The following RNASEL variants were observed in gnomAD, a reference collection of about 807,000 sequenced individuals.
The protein encoded by RNASEL is 2-5A-dependent ribonuclease.
In RNASEL, 36 loss-of-function variants were observed where a neutral mutation model predicts 50.9. That is an observed-to-expected ratio of 0.71 (90% CI 0.54 to 0.93). The LOEUF (loss-of-function observed/expected upper bound fraction) is 0.93, where lower values mean the gene tolerates loss of function less well. RNASEL is among the 40% of genes least tolerant of loss of function. The pLI, the probability that RNASEL is intolerant of heterozygous loss-of-function variation, is 0.00. For missense variants in RNASEL, 860 were observed against 894.5 expected, an observed-to-expected ratio of 0.96 and a Z score of 0.49; for synonymous variants, 335 against 335.6, an observed-to-expected ratio of 1.00 and a Z score of 0.02.
intron 2 of RNASEL, among the ~76,000 whole-genome samples, chr1:182,584,404 G>C (rs967924173): frequency 2.6e-5 from 4 of 152,104 alleles, no homozygotes; most frequent in Non-Finnish European, 4.4e-5. Flanking sequence ...TCCAGGCCAG[G>C]GGGTAGGAAG....
At chr1:182,577,527 T>G (rs534828848) in intron 5 of RNASEL, among the ~76,000 whole-genome samples, 38 of 152,238 alleles carry the variant, frequency 2.5e-4, no homozygotes, top group Non-Finnish European at 4.1e-4. Context: ...CCAAAAGGAA[T>G]AACTAATATT....
chr1:182,586,525 C>T lies in RNASEL; in HGVS notation c.282G>A (p.Thr94=), dbSNP rs768816440. 128 of 1,609,746 alleles carry T rather than the reference C, an allele frequency of 8.0e-5. 1 individual carries two copies. In the East Asian group the frequency reaches 2.7e-3, roughly 33 times the overall value. The change falls in exon 2 of 7, where the codon ACG becomes ACA. Residue 94 remains threonine (T), a synonymous_variant. Coordinates refer to ENST00000367559, the MANE Select transcript of RNASEL (RefSeq NM_021133.4). ...DPVLRKKNGA[T]PFILAAIAGS... ...CCGCAATCGCTGCGAGGATAAAAGG[C>T]GTGGCCCCATTCTTCTTCCTCAGAA...
At position 182,576,406 on chromosome 1, in the gene RNASEL, TAACACAAAAATGTGGTAGC is replaced by T; in HGVS notation, c.1906-36_1906-18del. Reference sequence around the variant, plus strand: ...TTCATTAATCTAAAAAAACAAAAAATAACACAAAAATGTGGTAGCAACACAAAATAAATCCTGATGAAAT... The same window carrying T: ...TTCATTAATCTAAAAAAACAAAAAATAACACAAAATAAATCCTGATGAAAT... On this transcript the variant is annotated intron_variant, in intron 5 of 6. Coordinates refer to ENST00000367559, the MANE Select transcript of RNASEL (RefSeq NM_021133.4). The T allele has an allele frequency of 6.5e-7, 1 of 1,537,260 alleles. No individual in the cohort carries two copies. The highest frequency in any genetic ancestry group is 1.1e-5 in the South Asian group (1 of 87,024).
At chr1:182,584,251 G>A in intron 2 of RNASEL, 85 bp from the exon 3 acceptor site, 4 of 915,402 alleles carry the variant, frequency 4.4e-6, no homozygotes, top group Non-Finnish European at 7.3e-6. Context: ...TATGTAACAT[G>A]CTATAAAAAT....
Position 182,586,469 on chromosome 1 carries a change from GA to G in RNASEL, c.337del (p.Ser113LeufsTer29). On this transcript the variant is annotated frameshift_variant, in exon 2 of 7. Coordinates refer to ENST00000367559, the MANE Select transcript of RNASEL (RefSeq NM_021133.4). LOFTEE classifies it high-confidence loss of function. ...GSVKLLKLFL[S>X]KGADVNECDF... ...ACACTCATTGACATCTGCTCCTTTA[GA>G]AAGGAAAAGTTTCAGCAGCTTCACG... 6.2e-7 allele frequency: 1 copy of G among 1,613,658 alleles called. No homozygotes were observed. The highest frequency in any genetic ancestry group is 8.5e-7 in the Non-Finnish European group (1 of 1,179,614).
intron 1 of RNASEL, among the ~76,000 whole-genome samples, chr1:182,587,615 C>CAA (rs34085847): frequency 7.3e-4 from 69 of 94,024 alleles, no homozygotes; most frequent in Admixed American, 1.7e-3. Context: ...AGGTGGCTTC[C>CAA]AAAAAAAAAA....
intron 4 of RNASEL, 43 bp downstream of exon 4, chr1:182,582,010 T>C: frequency 6.4e-7 from 1 of 1,569,590 alleles, no homozygotes; most frequent in Non-Finnish European, 8.8e-7. Context: ...CCTTACCCTT[T>C]CCATCCTGGA....
At position 182,585,496 on chromosome 1, in the gene RNASEL, A is replaced by G; in HGVS notation, c.1311T>C (p.Cys437=). ...CCAAACACGCTTCCAGAGTCTGCTC[A>G]CAGAGGGTGACACACACAAACAAGT... ...RGHLFVCVTL[C]EQTLEACLDV... Residue 437 remains cysteine (C), a synonymous_variant, in exon 2 of 7, where the codon TGT becomes TGC. Transcript: ENST00000367559. The G allele has an allele frequency of 6.2e-7, 1 of 1,614,114 alleles. No homozygotes were observed. Among genetic ancestry groups the G allele is most frequent in the Non-Finnish European group, 8.5e-7 (1 of 1,180,010 alleles).
rs1255666602 is a variant in RNASEL at position 182,576,374 on chromosome 1, T to C, written c.1921A>G (p.Met641Val). The C allele has an allele frequency of 6.3e-7, 1 of 1,580,966 alleles. No homozygotes were observed. The highest frequency in any genetic ancestry group is 8.7e-7 in the Non-Finnish European group (1 of 1,152,094). Reference protein sequence around the residue: ...KWTTKINECVMKKMNKFYEKR... With the variant: ...KWTTKINECVVKKMNKFYEKR... ...TCATAAAACTTATTCATTTTTTTCATAACACATTCATTAATCTAAAAAAAC... is the reference window on the plus strand; with the variant it reads ...TCATAAAACTTATTCATTTTTTTCACAACACATTCATTAATCTAAAAAAAC... Residue 641 changes from methionine to valine, a missense_variant, in exon 6 of 7, where the codon ATG becomes GTG. Physicochemically the swap from Met to Val is conservative, Grantham distance 21. Coordinates refer to ENST00000367559, the MANE Select transcript of RNASEL (RefSeq NM_021133.4).
chr1:182,574,154 A>C lies in RNASEL; in HGVS notation c.*1238T>G, dbSNP rs577471392. Reference sequence around the variant, plus strand: ...AAAACGTAAGACAGTATTATTATTCATGTACGAAGATGGTTCATTCATTAT... The same window carrying C: ...AAAACGTAAGACAGTATTATTATTCCTGTACGAAGATGGTTCATTCATTAT... On this transcript the variant is annotated 3_prime_UTR_variant, in exon 7 of 7. Coordinates refer to ENST00000367559, the MANE Select transcript of RNASEL (RefSeq NM_021133.4). 9.0e-6 allele frequency: 2 copies of C among 221,130 alleles called. No homozygotes were observed. The highest frequency in any genetic ancestry group is 3.7e-4 in the South Asian group (2 of 5,410). The allele number at this position is 221,130 out of a possible 1,614,324, so 13.7% of individuals were successfully genotyped here. A position where few individuals can be genotyped will look rare whatever the true frequency, so the allele number is the denominator to read the frequency against.
At position 182,585,797 on chromosome 1, in the gene RNASEL, T is replaced by A. The variant is rs767129998; in HGVS notation, c.1010A>T (p.Lys337Met). ...EDFHPPAEDW[K>M]PQSSHWGAAL... The stretch of plus-strand genomic sequence containing the variant: ...TGCCCCCCAGTGTGAGCTCTGAGGC[T>A]TCCAGTCTTCAGCAGGAGGGTGAAA... Residue 337 changes from lysine to methionine, a missense_variant, in exon 2 of 7, where the codon AAG becomes ATG. By Grantham distance (95) the Lys-to-Met change is moderately conservative (BLOSUM62 -1). Transcript: ENST00000367559. 3.1e-6 allele frequency: 5 copies of A among 1,614,168 alleles called. No individual in the cohort carries two copies.
chr1:182,579,964 TG>T, intron 5 of RNASEL: 1 of 457,186 alleles, frequency 2.2e-6, no homozygotes, highest in Non-Finnish European at 4.4e-6. Context: ...TTACTGGTTC[TG>T]TGTAGTTGGA....
At position 182,586,411 on chromosome 1, in the gene RNASEL, G is replaced by T. The variant is rs781483854; in HGVS notation, c.396C>A (p.Ala132=). The T allele has an allele frequency of 5.6e-6, 9 of 1,614,116 alleles. No individual in the cohort carries two copies. Among genetic ancestry groups the T allele is most frequent in the Non-Finnish European group, 7.6e-6 (9 of 1,180,028 alleles). The stretch of plus-strand genomic sequence containing the variant: ...GGGCTTTGACCTTACCATACACAGC[G>T]GCTTCCATGAAGGCTGTGAAGCCAT... ...DFYGFTAFME[A]AVYGKVKALK... is the part of the protein sequence containing the mutation. The change falls in exon 2 of 7, where the codon GCC becomes GCA. Residue 132 remains alanine, a synonymous_variant. Transcript: ENST00000367559.
chr1:182,581,203 G>A, intron 5 of RNASEL, 22 bp downstream of exon 5: 6 of 1,614,100 alleles, frequency 3.7e-6, no homozygotes, highest in Non-Finnish European at 5.1e-6. Context: ...ACTAACCCCT[G>A]CACTATAGGA....
At chr1:182,578,133 G>A (rs1661425459) in intron 5 of RNASEL, 1 of 151,996 alleles carries the variant, frequency 6.6e-6, no homozygotes, top group South Asian at 2.1e-4. Context: ...AGAAACAGAT[G>A]GGGTTTAATT....
rs1173051847 is a variant in RNASEL at position 182,574,622 on chromosome 1, T to G, written c.*770A>C. 1 of 232,710 alleles carries G rather than the reference T, an allele frequency of 4.3e-6. No individual in the cohort carries two copies. The highest frequency in any genetic ancestry group is 8.5e-6 in the Non-Finnish European group (1 of 117,908). The allele number at this position is 232,710 out of a possible 1,614,324, so 14.4% of individuals were successfully genotyped here. Reference sequence around the variant, plus strand: ...CCTGTGCAAGGCAGGTTTGGCAGCATCCCTGGTCTTTACCCACTAAATGCC... The same window carrying G: ...CCTGTGCAAGGCAGGTTTGGCAGCAGCCCTGGTCTTTACCCACTAAATGCC... On this transcript the variant is annotated 3_prime_UTR_variant, in exon 7 of 7. Coordinates refer to ENST00000367559, the MANE Select transcript of RNASEL (RefSeq NM_021133.4).
intron 3 of RNASEL, among the ~76,000 whole-genome samples, chr1:182,582,607 C>A (rs539533855): frequency 6.6e-6 from 1 of 152,254 alleles, no homozygotes; most frequent in East Asian, 1.9e-4. Context: ...GACAGCCTGG[C>A]TGGAAACTGG....
intron 5 of RNASEL, chr1:182,576,648 CCT>C: frequency 5.7e-6 from 2 of 353,506 alleles, no homozygotes; most frequent in Non-Finnish European, 1.0e-5. Flanking sequence ...GGGCGGATCA[CCT>C]GAGGTCAGGA....
At chr1:182,578,086 A>T (rs1465081555) in intron 5 of RNASEL, 1 of 152,238 alleles carries the variant, frequency 6.6e-6, no homozygotes, top group African/African-American at 2.4e-5. Context: ...CAAAGAATTC[A>T]TGACTAAGAC....
Sources: allele counts gnomAD v4.1 joint callset (sites outside exome capture counted in the v4.1 genomes callset), GRCh38; gene constraint gnomAD v4.1.1; transcripts MANE v1.5; gene names NCBI Gene and HGNC (gene_info 2026-07-23, HGNC 2026-07-21).